Variants in SOX5 observed in about 807,000 individuals in gnomAD.
SOX5 encodes the protein transcription factor SOX-5.
A neutral mutation model predicts 92.0 loss-of-function variants in SOX5; 9 were observed. The ratio of observed to expected loss-of-function variants is 0.10; its 90% CI spans 0.06 to 0.17. SOX5 has a LOEUF of 0.17. SOX5 is among the 10% of genes least tolerant of loss of function. The probability of loss-of-function intolerance (pLI) is 1.00; values close to 1 mark genes in which losing one functional copy is unlikely to be tolerated. For missense variants in SOX5, 642 were observed against 944.5 expected (o/e 0.68, Z 4.20); for synonymous variants, 344 against 336.3 (o/e 1.02, Z -0.25).
At chr12:24,020,069 T>C (rs1041164139) in intron 4 of SOX5, among the ~76,000 whole-genome samples, 1 of 152,068 alleles carries the variant, frequency 6.6e-6, no homozygotes, top group African/African-American at 2.4e-5. Flanking sequence ...TTCTGGAAAA[T>C]TTAAGTCACA....
chr12:23,928,449 C>A (rs1437574138), intron 1 of SOX5, among the ~76,000 whole-genome samples: 2 of 151,844 alleles, frequency 1.3e-5, no homozygotes, highest in Non-Finnish European at 2.9e-5. Flanking sequence ...ATGTATGAAA[C>A]CTAATGCCTT....
At chr12:23,555,934 A>AAAAC (rs1329048433) in intron 11 of SOX5, among the ~76,000 whole-genome samples, 1 of 152,218 alleles carries the variant, frequency 6.6e-6, no homozygotes, top group African/African-American at 2.4e-5. Context: ...TCAATTTCTA[A>AAAAC]AAACAAACAG....
chr12:23,979,845 G>A (rs1425386437), intron 4 of SOX5, among the ~76,000 whole-genome samples: 1 of 147,838 alleles, frequency 6.8e-6, no homozygotes, highest in Non-Finnish European at 1.5e-5. Flanking sequence ...AGCCTTCCAA[G>A]TAACTAGGAC....
chr12:23,538,497 CA>C, intron 13 of SOX5, among the ~76,000 whole-genome samples: 1 of 152,300 alleles, frequency 6.6e-6, no homozygotes, highest in East Asian at 1.9e-4. Flanking sequence ...GGGACAATCT[CA>C]AACTCCTTGT....
chr12:24,171,238 T>G (rs1954107487), intron 4 of SOX5, among the ~76,000 whole-genome samples: 1 of 138,394 alleles, frequency 7.2e-6, no homozygotes, highest in African/African-American at 2.7e-5. Context: ...TGTTTTTTTT[T>G]TTGGAGACAG....
chr12:24,455,722 A>G (rs1267061210), intron 1 of SOX5, among the ~76,000 whole-genome samples: 2 of 152,128 alleles, frequency 1.3e-5, no homozygotes, highest in East Asian at 3.9e-4. Flanking sequence ...ATGCTAGGAA[A>G]CTTTCTAGAC....
intron 1 of SOX5, among the ~76,000 whole-genome samples, chr12:24,465,477 T>C (rs1323260361): frequency 6.6e-6 from 1 of 152,170 alleles, no homozygotes; most frequent in East Asian, 1.9e-4. Context: ...TGCTGAAAAT[T>C]GAAGAGTGAG....
intron 4 of SOX5, among the ~76,000 whole-genome samples, chr12:24,144,554 C>A (rs1015948622): frequency 1.3e-5 from 2 of 152,050 alleles, no homozygotes; most frequent in African/African-American, 4.8e-5. Flanking sequence ...ATCTCTAAAC[C>A]CAGCAGTTTG....
At chr12:24,314,389 T>C (rs138688956) in intron 2 of SOX5, among the ~76,000 whole-genome samples, 437 of 139,794 alleles carry the variant, frequency 3.1e-3, no homozygotes, top group Admixed American at 4.9e-3. Context: ...GGGGGAGGGA[T>C]AGCATTAAGA....
chr12:24,006,090 T>C (rs960497164), intron 4 of SOX5, among the ~76,000 whole-genome samples: 1 of 152,150 alleles, frequency 6.6e-6, no homozygotes. Context: ...TTTGTAATAA[T>C]CTACAATGGG....
At chr12:24,005,963 G>C (rs1000277429) in intron 4 of SOX5, among the ~76,000 whole-genome samples, 2 of 152,140 alleles carry the variant, frequency 1.3e-5, no homozygotes, top group African/African-American at 4.8e-5. Flanking sequence ...CCTGAAAGTA[G>C]TGCTTGAACC....
At chr12:24,018,275 T>G (rs1953888562) in intron 4 of SOX5, among the ~76,000 whole-genome samples, 1 of 152,210 alleles carries the variant, frequency 6.6e-6, no homozygotes, top group Non-Finnish European at 1.5e-5. Flanking sequence ...TTGTTGCTGT[T>G]TTATCATTTG....
At chr12:24,112,521 C>CTTTTTTTT (rs139323766) in intron 4 of SOX5, among the ~76,000 whole-genome samples, 2 of 75,692 alleles carry the variant, frequency 2.6e-5, no homozygotes, top group Non-Finnish European at 5.0e-5. Context: ...TTCAAGGTTC[C>CTTTTTTTT]TTTTTTTTTT....
chr12:23,648,102 TTATAAC>T (rs1363701999), intron 7 of SOX5, among the ~76,000 whole-genome samples: 4 of 152,250 alleles, frequency 2.6e-5, no homozygotes, highest in East Asian at 1.9e-4. Flanking sequence ...CCCAAAACAA[TTATAAC>T]TATAATACCA....
chr12:23,964,921 C>T (rs962380842), intron 4 of SOX5, among the ~76,000 whole-genome samples: 5 of 152,174 alleles, frequency 3.3e-5, no homozygotes, highest in Non-Finnish European at 4.4e-5. Flanking sequence ...CTTGCTTTAG[C>T]GAAGAAATCA....
intron 6 of SOX5, among the ~76,000 whole-genome samples, chr12:23,697,717 A>G (rs11047050): frequency 0.18 from 26,635 of 151,904 alleles, 2,386 homozygotes; most frequent in Middle Eastern, 0.21. Flanking sequence ...TGTTTGGCTA[A>G]TTTTTATAGT....
chr12:23,577,684 T>C (rs1417231795), intron 9 of SOX5, among the ~76,000 whole-genome samples: 1 of 152,042 alleles, frequency 6.6e-6, no homozygotes, highest in Non-Finnish European at 1.5e-5. Flanking sequence ...AAATTAGCAA[T>C]CTTCTATGAT....
At chr12:23,937,859 T>C (rs1942917894) in intron 1 of SOX5, among the ~76,000 whole-genome samples, 1 of 150,986 alleles carries the variant, frequency 6.6e-6, no homozygotes, top group South Asian at 2.1e-4. Flanking sequence ...AAGGTACCAA[T>C]AAAAGTAATA....
At chr12:24,046,224 G>T (rs182298562) in intron 4 of SOX5, among the ~76,000 whole-genome samples, 1 of 152,120 alleles carries the variant, frequency 6.6e-6, no homozygotes, top group East Asian at 1.9e-4. Flanking sequence ...TAACCACAGT[G>T]GGGTGGGCAA....
Sources: gnomAD v4.1 joint callset for allele counts (sites outside exome capture counted in the v4.1 genomes callset) on GRCh38, gnomAD v4.1.1 for gene constraint, MANE v1.5 for transcripts, NCBI Gene and HGNC (gene_info 2026-07-23, HGNC 2026-07-21) for gene names.